Variants in PTPRD observed in about 807,000 individuals in gnomAD.
The protein encoded by PTPRD is receptor-type tyrosine-protein phosphatase delta.
PTPRD carries 34 observed loss-of-function variants against 214.5 expected under a neutral mutation model. The observed-to-expected ratio is 0.16, with a 90% CI of 0.12 to 0.21. PTPRD has a LOEUF of 0.21. Ranked by LOEUF, PTPRD falls within the 10% of genes least tolerant of loss-of-function variation. PTPRD has a pLI of 1.00. For synonymous variants in PTPRD, 1,128 were observed against 845.7 expected, an observed-to-expected ratio of 1.33 and a Z score of -5.79; for missense variants, 2,545 against 2,398.7, an observed-to-expected ratio of 1.06 and a Z score of -1.27.
rs560896680 is a variant in PTPRD at position 10,244,648 on chromosome 9, A to G, written c.-545+96315T>C. On this transcript the variant is annotated intron_variant, in intron 3 of 45. Transcript: ENST00000381196. ...AGATGAAAATAAAACATTATTTCAT[A>G]CCAGTTCAAATCTCATAGAGCCCCT... is the stretch of plus-strand genomic sequence containing the variant. 1.4e-4 allele frequency among the ~76,000 whole-genome samples: 21 copies of G among 152,264 alleles called. 1 individual carries two copies. The South Asian group carries it at 4.4e-3, about 32-fold the overall frequency.
At chr9:10,076,400 T>C (rs1214689827) in intron 3 of PTPRD, among the ~76,000 whole-genome samples, 2 of 152,056 alleles carry the variant, frequency 1.3e-5, no homozygotes, top group African/African-American at 2.4e-5. Flanking sequence ...TCTTTGGAAA[T>C]GTAGGAAAAG....
intron 11 of PTPRD, among the ~76,000 whole-genome samples, chr9:8,817,416 C>T (rs2096942418): frequency 6.6e-6 from 1 of 152,094 alleles, no homozygotes; most frequent in African/African-American, 2.4e-5. Flanking sequence ...AGAAAACACA[C>T]CCAGCCTGGA....
chr9:8,694,519 T>C (rs1364359373), intron 12 of PTPRD, among the ~76,000 whole-genome samples: 1 of 152,112 alleles, frequency 6.6e-6, no homozygotes, highest in Non-Finnish European at 1.5e-5. Flanking sequence ...ATAAGAAAAA[T>C]ATGTTTAGGT....
At chr9:10,406,754 G>T (rs1189179116) in intron 2 of PTPRD, among the ~76,000 whole-genome samples, 1 of 151,506 alleles carries the variant, frequency 6.6e-6, no homozygotes, top group Non-Finnish European at 1.5e-5. Flanking sequence ...ATGAGAGCCA[G>T]ATTTCACATG....
At chr9:10,424,269 A>G (rs1184209561) in intron 2 of PTPRD, among the ~76,000 whole-genome samples, 2 of 151,850 alleles carry the variant, frequency 1.3e-5, no homozygotes, top group Non-Finnish European at 2.9e-5. Flanking sequence ...AAGAACATCT[A>G]AATCAAAATG....
At chr9:8,728,136 G>C (rs943992257) in intron 12 of PTPRD, among the ~76,000 whole-genome samples, 28 of 152,040 alleles carry the variant, frequency 1.8e-4, no homozygotes, top group African/African-American at 6.5e-4. Flanking sequence ...TGTAATCCCA[G>C]CTACTAGAGA....
At chr9:10,243,552 T>C (rs761836731) in intron 3 of PTPRD, among the ~76,000 whole-genome samples, 38 of 152,030 alleles carry the variant, frequency 2.5e-4, no homozygotes, top group Non-Finnish European at 4.4e-4. Flanking sequence ...ATCAACATTC[T>C]ATATTCTATT....
intron 5 of PTPRD, among the ~76,000 whole-genome samples, chr9:9,832,250 G>C (rs978344430): frequency 6.6e-6 from 1 of 151,944 alleles, no homozygotes; most frequent in Non-Finnish European, 1.5e-5. Context: ...GCAGACGAAA[G>C]AGTATCTACA....
intron 2 of PTPRD, among the ~76,000 whole-genome samples, chr9:10,499,162 G>A (rs1407883488): frequency 1.3e-5 from 2 of 151,882 alleles, no homozygotes; most frequent in East Asian, 3.9e-4. Flanking sequence ...TATTTAAGCT[G>A]AACTGTCTGC....
intron 3 of PTPRD, among the ~76,000 whole-genome samples, chr9:10,221,988 T>G (rs180799035): frequency 2.0e-5 from 3 of 151,956 alleles, no homozygotes; most frequent in African/African-American, 7.2e-5. Flanking sequence ...AGAACAAACT[T>G]GTTACTTATA....
intron 10 of PTPRD, among the ~76,000 whole-genome samples, chr9:9,084,382 T>C (rs1360615210): frequency 6.6e-6 from 1 of 151,974 alleles, no homozygotes; most frequent in African/African-American, 2.4e-5. Context: ...GAGGGGAACA[T>C]CACACACACC....
At chr9:8,415,685 T>C (rs2093882009) in intron 35 of PTPRD, among the ~76,000 whole-genome samples, 1 of 151,858 alleles carries the variant, frequency 6.6e-6, no homozygotes, top group Non-Finnish European at 1.5e-5. Context: ...TTAACATATC[T>C]AAAAAAATGC....
chr9:9,209,525 T>C (rs576891295), intron 9 of PTPRD, among the ~76,000 whole-genome samples: 4 of 152,312 alleles, frequency 2.6e-5, no homozygotes, highest in Admixed American at 2.6e-4. Context: ...AACGGTATTG[T>C]GGCATATTTT....
intron 7 of PTPRD, among the ~76,000 whole-genome samples, chr9:9,665,951 G>C (rs2096713416): frequency 1.3e-5 from 2 of 151,868 alleles, no homozygotes; most frequent in East Asian, 1.9e-4. Flanking sequence ...TCCAGAAAGA[G>C]GAAAGGAATA....
chr9:8,523,442 C>T (rs1419892141), intron 19 of PTPRD, 71 bp downstream of exon 19: 3 of 1,533,100 alleles, frequency 2.0e-6, no homozygotes, highest in Admixed American at 1.7e-5. Flanking sequence ...ACATTCATTT[C>T]ATTTGTATTC....
At chr9:9,593,486 A>C (rs1229166769) in intron 7 of PTPRD, among the ~76,000 whole-genome samples, 2 of 152,024 alleles carry the variant, frequency 1.3e-5, no homozygotes, top group Non-Finnish European at 2.9e-5. Context: ...TATAGAAGAC[A>C]TATTTGAGAG....
intron 8 of PTPRD, among the ~76,000 whole-genome samples, chr9:9,424,188 T>C (rs1037571579): frequency 1.3e-5 from 2 of 152,136 alleles, no homozygotes; most frequent in South Asian, 2.1e-4. Context: ...GCTGAAAAAT[T>C]TGTTGCCACT....
intron 12 of PTPRD, among the ~76,000 whole-genome samples, chr9:8,640,879 A>G (rs1001761495): frequency 7.5e-6 from 1 of 133,284 alleles, no homozygotes; most frequent in Admixed American, 6.9e-5. Flanking sequence ...TTCACTAAGC[A>G]TGGGTGGTGC....
At chr9:10,138,431 AC>A (rs1352225460) in intron 3 of PTPRD, among the ~76,000 whole-genome samples, 1 of 152,012 alleles carries the variant, frequency 6.6e-6, no homozygotes, top group Non-Finnish European at 1.5e-5. Context: ...AAACAAACAA[AC>A]AAACAAAAAA....
Sources: gnomAD v4.1 joint callset for allele counts (sites outside exome capture counted in the v4.1 genomes callset) on GRCh38, gnomAD v4.1.1 for gene constraint, MANE v1.5 for transcripts, NCBI Gene and HGNC (gene_info 2026-07-23, HGNC 2026-07-21) for gene names.